The following HMG20A variants were observed in gnomAD, a reference collection of about 807,000 sequenced individuals.
HMG20A encodes high mobility group protein 20A.
A neutral mutation model predicts 43.9 loss-of-function variants in HMG20A; 17 were observed. That is an observed-to-expected ratio of 0.39 (90% CI 0.27 to 0.58). The LOEUF is 0.58. Among genes scored for constraint, HMG20A ranks in the 20% least tolerant of loss-of-function variants. HMG20A has a pLI of 0.59. For synonymous variants in HMG20A, 132 were observed against 147.5 expected (o/e 0.89, Z 0.76); for missense variants, 341 against 438.2 (o/e 0.78, Z 1.98).
chr15:77,420,896 G>A lies in HMG20A; in HGVS notation c.-113G>A. Reference sequence around the variant, plus strand: ...CGGAAGAATTTTTGTCCAGCTGTGAGACGACGAGTGCGTGAAGTGAAGGCG... The same window carrying A: ...CGGAAGAATTTTTGTCCAGCTGTGAAACGACGAGTGCGTGAAGTGAAGGCG... On this transcript the variant is annotated 5_prime_UTR_variant, in exon 1 of 10. Coordinates refer to ENST00000336216, the MANE Select transcript of HMG20A (RefSeq NM_001304504.2). 2.5e-6 allele frequency: 1 copy of A among 398,798 alleles called. No homozygotes were observed. The highest frequency in any genetic ancestry group is 1.3e-4 in the South Asian group (1 of 7,862). The allele number at this position is 398,798 out of a possible 1,614,324, so 24.7% of individuals were successfully genotyped here.
At chr15:77,428,230 G>A (rs1567388225) in intron 1 of HMG20A, among the ~76,000 whole-genome samples, 1 of 152,176 alleles carries the variant, frequency 6.6e-6, no homozygotes, top group Non-Finnish European at 1.5e-5. Flanking sequence ...TCTCCCTGAT[G>A]ATCAGGTACC....
At chr15:77,432,056 A>T (rs1172705265) in intron 1 of HMG20A, among the ~76,000 whole-genome samples, 9 of 152,142 alleles carry the variant, frequency 5.9e-5, no homozygotes, top group Admixed American at 5.9e-4. Flanking sequence ...CTGATTCCAT[A>T]TCTTGGCTAT....
chr15:77,497,627 T>C, the HMG20A span, among the ~76,000 whole-genome samples: 1 of 149,886 alleles, frequency 6.7e-6, no homozygotes, highest in African/African-American at 2.5e-5. Flanking sequence ...CCAGGCTTGC[T>C]GCTGCAGGAG....
chr15:77,478,546 GGT>G (rs752218286), intron 8 of HMG20A, 36 bp downstream of exon 8: 16 of 1,557,080 alleles, frequency 1.0e-5, no homozygotes, highest in Admixed American at 3.4e-5. Context: ...CAGTGACAGG[GGT>G]GTGTGTGTTG....
At chr15:77,424,270 T>C (rs931980429) in intron 1 of HMG20A, among the ~76,000 whole-genome samples, 1 of 152,226 alleles carries the variant, frequency 6.6e-6, no homozygotes, top group South Asian at 2.1e-4. Context: ...GTCCCTTTCA[T>C]TGATACATGT....
intron 1 of HMG20A, among the ~76,000 whole-genome samples, chr15:77,453,125 G>T (rs1424670414): frequency 6.6e-6 from 1 of 152,148 alleles, no homozygotes. Context: ...CTACTACTTG[G>T]GAGGCTGAAG....
In HMG20A at chr15:77,446,038, T is replaced by C. The variant is rs145134783; in HGVS notation, c.-4-12366T>C. Among the ~76,000 whole-genome samples the C allele has an allele frequency of 3.7e-3, 570 of 152,324 alleles. 6 individuals are homozygous for C. The highest frequency in any genetic ancestry group is 0.013 in the African/African-American group (520 of 41,564). ...TCGCAGACTCCAGCCTTGAATTATA[T>C]TGTTTTAGAGCTACCTACCTTAGTA... On this transcript the variant is annotated intron_variant, in intron 1 of 9. Transcript: ENST00000336216.
chr15:77,492,542 A>C, the HMG20A span, among the ~76,000 whole-genome samples: 2 of 152,168 alleles, frequency 1.3e-5, no homozygotes, highest in Non-Finnish European at 2.9e-5. Flanking sequence ...AAGAGCATGC[A>C]GTCGGGGGCT....
chr15:77,452,931 A>T (rs934620168), intron 1 of HMG20A, among the ~76,000 whole-genome samples: 1 of 152,216 alleles, frequency 6.6e-6, no homozygotes, highest in Non-Finnish European at 1.5e-5. Flanking sequence ...CCAATTTTAA[A>T]AATGAGCAAA....
chr15:77,475,159 C>T (rs574174959), intron 6 of HMG20A, among the ~76,000 whole-genome samples: 3 of 152,160 alleles, frequency 2.0e-5, no homozygotes, highest in African/African-American at 4.8e-5. Flanking sequence ...ATCCTTTGAG[C>T]TATCCTTGGA....
At chr15:77,431,922 G>T (rs1275632286) in intron 1 of HMG20A, among the ~76,000 whole-genome samples, 3 of 151,912 alleles carry the variant, frequency 2.0e-5, no homozygotes, top group Non-Finnish European at 2.9e-5. Context: ...AACAGATAAT[G>T]CCCTCCAGGC....
chr15:77,427,755 T>C (rs2073441409), intron 1 of HMG20A, among the ~76,000 whole-genome samples: 2 of 152,226 alleles, frequency 1.3e-5, no homozygotes, highest in African/African-American at 4.8e-5. Flanking sequence ...ATTTTCTGAA[T>C]AATATTCAGA....
At chr15:77,457,055 TG>T (rs1360192449) in intron 1 of HMG20A, among the ~76,000 whole-genome samples, 1 of 152,238 alleles carries the variant, frequency 6.6e-6, no homozygotes, top group African/African-American at 2.4e-5. Context: ...GGGTAATATT[TG>T]TACAGAGATG....
At chr15:77,443,027 C>CT (rs998172099) in intron 1 of HMG20A, among the ~76,000 whole-genome samples, 3,763 of 118,670 alleles carry the variant, frequency 0.032, 148 homozygotes, top group African/African-American at 0.073. Flanking sequence ...CTACTTTGAA[C>CT]TTTTTTTTTT....
intron 1 of HMG20A, among the ~76,000 whole-genome samples, chr15:77,442,910 A>C (rs1316365822): frequency 1.3e-5 from 2 of 151,944 alleles, no homozygotes; most frequent in Non-Finnish European, 2.9e-5. Flanking sequence ...GTGATCCTTG[A>C]TGGCACTTTT....
At chr15:77,495,130 A>AACCTTAAATCTTAAATCTTAATCTT in the HMG20A span, among the ~76,000 whole-genome samples, 1 of 152,212 alleles carries the variant, frequency 6.6e-6, no homozygotes, top group African/African-American at 2.4e-5. Flanking sequence ...TGTTGCAGGC[A>AACCTTAAATCTTAAATCTTAATCTT]AACCTTAAAT....
intron 1 of HMG20A, among the ~76,000 whole-genome samples, chr15:77,454,183 A>C (rs932343354): frequency 2.7e-5 from 4 of 148,210 alleles, no homozygotes; most frequent in African/African-American, 7.9e-5. Flanking sequence ...AAAAAAAACA[A>C]AGTAGATTAG....
chr15:77,439,998 T>A (rs574166714), intron 1 of HMG20A, among the ~76,000 whole-genome samples: 5 of 152,176 alleles, frequency 3.3e-5, no homozygotes, highest in Non-Finnish European at 7.4e-5. Flanking sequence ...GCTTGCTTTG[T>A]ATTTAGCCCC....
the HMG20A span, among the ~76,000 whole-genome samples, chr15:77,500,652 T>C: frequency 6.6e-6 from 1 of 150,560 alleles, no homozygotes; most frequent in Non-Finnish European, 1.5e-5. Context: ...CACTGCAACC[T>C]CCGCCTCCCG....
Sources: gnomAD v4.1 joint callset for allele counts (sites outside exome capture counted in the v4.1 genomes callset) on GRCh38, gnomAD v4.1.1 for gene constraint, MANE v1.5 for transcripts, NCBI Gene and HGNC (gene_info 2026-07-23, HGNC 2026-07-21) for gene names.